OSMR: variants seen among roughly 807,000 people sequenced by gnomAD.
The protein encoded by OSMR is oncostatin-M-specific receptor subunit beta.
A neutral mutation model predicts 99.9 loss-of-function variants in OSMR; 81 were observed. The observed-to-expected ratio is 0.81, with a 90% CI of 0.68 to 0.97. The LOEUF (loss-of-function observed/expected upper bound fraction) is 0.97, where lower values mean the gene tolerates loss of function less well. OSMR is among the 50% of genes least tolerant of loss of function. The pLI is 0.00. For missense variants in OSMR, 1,099 were observed against 1,153.4 expected (o/e 0.95, Z 0.68); for synonymous variants, 406 against 410.4 (o/e 0.99, Z 0.13).
downstream of OSMR, among the ~76,000 whole-genome samples, chr5:38,937,234 T>C (rs551613854): frequency 6.6e-6 from 1 of 152,120 alleles, no homozygotes; most frequent in African/African-American, 2.4e-5. The surrounding 1 kb of genome is among the most constrained non-coding windows in gnomAD (Gnocchi z 4.0). Flanking sequence ...GGGGTTTCAC[T>C]GTGTTAGCCA....
intron 9 of OSMR, among the ~76,000 whole-genome samples, chr5:38,908,637 C>T (rs1745392738): frequency 6.6e-6 from 1 of 152,178 alleles, no homozygotes; most frequent in African/African-American, 2.4e-5. Flanking sequence ...GCATGCAGAC[C>T]AGGAGTGCTA....
At chr5:38,940,180 C>CT, downstream of OSMR, 1 of 214,900 alleles carries the variant, frequency 4.7e-6, no homozygotes, top group East Asian at 6.6e-5. Flanking sequence ...CCAATACTAA[C>CT]TAAGCCTTAT....
At chr5:38,892,501 G>A (rs1744224948) in intron 7 of OSMR, among the ~76,000 whole-genome samples, 2 of 152,090 alleles carry the variant, frequency 1.3e-5, no homozygotes, top group African/African-American at 4.8e-5. Flanking sequence ...CTATCTCACT[G>A]CAACCACTTC....
intron 4 of OSMR, 128 bp downstream of exon 4, chr5:38,881,892 C>T (rs1743318265): frequency 3.8e-6 from 3 of 789,502 alleles, no homozygotes; most frequent in Non-Finnish European, 4.2e-6. Flanking sequence ...CCTTTGGCTC[C>T]TATGGGAACT....
intron 7 of OSMR, among the ~76,000 whole-genome samples, chr5:38,895,920 G>C (rs1744477768): frequency 6.6e-6 from 1 of 151,792 alleles, no homozygotes; most frequent in African/African-American, 2.4e-5. Context: ...CCTTTCCCCA[G>C]TGTATGTGTT....
intron 2 of OSMR, among the ~76,000 whole-genome samples, chr5:38,869,607 G>A (rs1345828481): frequency 6.6e-6 from 1 of 152,078 alleles, no homozygotes; most frequent in Middle Eastern, 3.2e-3. Flanking sequence ...ACTCTTTCAA[G>A]ACTCTGAAAG....
intron 1 of OSMR, among the ~76,000 whole-genome samples, chr5:38,862,664 C>A (rs1443499052): frequency 6.7e-6 from 1 of 150,038 alleles, no homozygotes; most frequent in Non-Finnish European, 1.5e-5. Context: ...AGAGGCGCTC[C>A]CCACATCTCA....
At chr5:38,944,465 G>T in intron 2 of OSMR, 2 of 1,608,652 alleles carry the variant, frequency 1.2e-6, no homozygotes, top group Non-Finnish European at 1.7e-6. Flanking sequence ...CCAGTCTCAT[G>T]ACATTTAGTT....
In OSMR at chr5:38,921,310, TCA is replaced by T. The variant is rs577509070; in HGVS notation, c.1586-304_1586-303del. 3.8e-3 allele frequency among the ~76,000 whole-genome samples: 579 copies of T among 152,260 alleles called. 3 individuals carry two copies. The highest frequency in any genetic ancestry group is 6.1e-3 in the Non-Finnish European group (414 of 68,012). Reference sequence around the variant, plus strand: ...CTCAAGGGTCATATGAAAACAACCCTCAGAGGCTGGAATCATCCTCCTGGTGG... The same window carrying T: ...CTCAAGGGTCATATGAAAACAACCCTGAGGCTGGAATCATCCTCCTGGTGG... On this transcript the variant is annotated intron_variant, in intron 11 of 17. Transcript: ENST00000274276.
rs1364700174 is a variant in OSMR, at chr5:38,932,859, G to A, written c.2368-13G>A. 5 of 1,613,450 alleles carry A rather than the reference G, an allele frequency of 3.1e-6. No individual in the cohort carries two copies. In the African/African-American group the frequency reaches 4.0e-5, roughly 13 times the overall value. ...CAAATGTCTATATTTACATATTTTTGTTTCCTTTCTAGGAGAACCCTCACC... is the reference window on the plus strand; with the variant it reads ...CAAATGTCTATATTTACATATTTTTATTTCCTTTCTAGGAGAACCCTCACC... On this transcript the variant is annotated splice_polypyrimidine_tract_variant and intron_variant, in intron 17 of 17. Coordinates refer to ENST00000274276, the MANE Select transcript of OSMR (RefSeq NM_003999.3).
In OSMR at chr5:38,881,679, T is replaced by A; in HGVS notation, c.333T>A (p.Phe111Leu). ...TCCCTTTGGAATGTGCCACACACTTTGTAAGAATAAAGAGTTTGGTGGACG... is the reference window on the plus strand; with the variant it reads ...TCCCTTTGGAATGTGCCACACACTTAGTAAGAATAAAGAGTTTGGTGGACG... ...SELPLECATH[F>L]VRIKSLVDDA... The change falls in exon 4 of 18, where the codon TTT (phenylalanine) becomes TTA (leucine). Residue 111 changes from phenylalanine (F) to leucine (L), a missense_variant. Phe to Leu is a conservative substitution (Grantham distance 22). Coordinates refer to ENST00000274276, the MANE Select transcript of OSMR (RefSeq NM_003999.3). The A allele has an allele frequency of 6.2e-7, 1 of 1,614,216 alleles. No homozygotes were observed. The highest frequency in any genetic ancestry group is 8.5e-7 in the Non-Finnish European group (1 of 1,180,034).
chr5:38,902,683 C>T (rs142786803), intron 7 of OSMR, among the ~76,000 whole-genome samples: 267 of 152,306 alleles, frequency 1.8e-3, no homozygotes, highest in African/African-American at 6.1e-3. Flanking sequence ...AACAGACCAA[C>T]CAGGTTGCTT....
intron 1 of OSMR, among the ~76,000 whole-genome samples, chr5:38,860,546 T>C (rs1741209359): frequency 1.3e-5 from 2 of 152,224 alleles, no homozygotes; most frequent in African/African-American, 2.4e-5. Flanking sequence ...TGTGTGTCCT[T>C]GTCTGGCTTT....
At chr5:38,868,582 A>G (rs1210946975) in intron 1 of OSMR, among the ~76,000 whole-genome samples, 2 of 152,170 alleles carry the variant, frequency 1.3e-5, no homozygotes, top group African/African-American at 2.4e-5. Context: ...TGCTGCTGCC[A>G]TGTAAGAAGT....
At chr5:38,920,514 T>C (rs1376887924) in intron 11 of OSMR, among the ~76,000 whole-genome samples, 4 of 152,308 alleles carry the variant, frequency 2.6e-5, no homozygotes, top group Non-Finnish European at 5.9e-5. Flanking sequence ...GTCTGCTTGA[T>C]GGAGGAAGGC....
intron 3 of OSMR, among the ~76,000 whole-genome samples, chr5:38,877,873 A>G (rs1182636725): frequency 6.6e-6 from 1 of 152,180 alleles, no homozygotes; most frequent in Admixed American, 6.5e-5. Flanking sequence ...AGTTGTTCAT[A>G]TCTGTTTTCA....
chr5:38,863,156 A>AAGAGGGAGAGGGAGACCGTGGGG (rs1561341158), intron 1 of OSMR, among the ~76,000 whole-genome samples: 2 of 118,050 alleles, frequency 1.7e-5, no homozygotes, highest in African/African-American at 3.2e-5. Flanking sequence ...AGACCATGTA[A>AAGAGGGAGAGGGAGACCGTGGGG]AGAGGGAGAG....
intron 1 of OSMR, among the ~76,000 whole-genome samples, chr5:38,850,825 C>A (rs1740295498): frequency 2.0e-5 from 3 of 152,166 alleles, no homozygotes; most frequent in Admixed American, 2.0e-4. Flanking sequence ...TTTCAATCTC[C>A]CTAATGGGGG....
intron 1 of OSMR, among the ~76,000 whole-genome samples, chr5:38,862,270 G>C (rs1287797358): frequency 9.6e-6 from 1 of 104,558 alleles, no homozygotes; most frequent in African/African-American, 3.9e-5. Flanking sequence ...CCTCCCGGAC[G>C]GGGCGGCTGG....
Sources: gnomAD v4.1 joint callset for allele counts (sites outside exome capture counted in the v4.1 genomes callset) on GRCh38, gnomAD v4.1.1 for gene constraint, Gnocchi (gnomAD v3.1) non-coding constraint, MANE v1.5 for transcripts, NCBI Gene and HGNC (gene_info 2026-07-23, HGNC 2026-07-21) for gene names.